SLC31A1: variants seen among roughly 807,000 people sequenced by gnomAD.
The protein encoded by SLC31A1 is solute carrier family 31 member 1, also known as high affinity copper uptake protein 1.
Under a neutral mutation model 17.2 loss-of-function variants are expected in SLC31A1, and 5 were observed. That is an observed-to-expected ratio of 0.29 (90% CI 0.15 to 0.61). SLC31A1 has a LOEUF of 0.61. Among genes scored for constraint, SLC31A1 ranks in the 20% least tolerant of loss-of-function variants. The pLI is 0.86. For missense variants in SLC31A1, 161 were observed against 241.4 expected, an observed-to-expected ratio of 0.67 and a Z score of 2.21; for synonymous variants, 76 against 78.8, an observed-to-expected ratio of 0.96 and a Z score of 0.19.
Position 113,258,825 on chromosome 9 carries a change from A to G in SLC31A1, c.334A>G (p.Asn112Asp), listed in dbSNP as rs1251365961. 2 of 1,614,238 alleles carry G rather than the reference A, an allele frequency of 1.2e-6. No homozygotes were observed. Among genetic ancestry groups the G allele is most frequent in the Non-Finnish European group, 1.7e-6 (2 of 1,180,030 alleles). Residue 112 changes from asparagine to aspartate, a missense_variant, in exon 4 of 5, where the codon AAT becomes GAT. By Grantham distance (23) the Asn-to-Asp change is conservative. Coordinates refer to ENST00000374212, the MANE Select transcript of SLC31A1 (RefSeq NM_001859.4). The surrounding 1 kb of genome is among the most constrained non-coding windows in gnomAD (Gnocchi z 4.8). ...CAATTCCATGCCTGTCCCAGGACCA[A>G]ATGGAACCATCCTTATGGAGACACA... ...RYNSMPVPGP[N>D]GTILMETHKT...
chr9:113,230,491 T>G (rs1339454352), intron 1 of SLC31A1, among the ~76,000 whole-genome samples: 1 of 152,180 alleles, frequency 6.6e-6, no homozygotes, highest in Non-Finnish European at 1.5e-5. Context: ...ACTCCTGGAC[T>G]CAAGAGATCC....
chr9:113,243,583 G>A (rs1831544755), intron 1 of SLC31A1, among the ~76,000 whole-genome samples: 1 of 151,178 alleles, frequency 6.6e-6, no homozygotes, highest in Non-Finnish European at 1.5e-5. Context: ...TTTAAGAGAT[G>A]TGGGGCGGGG....
chr9:113,257,998 C>T (rs1204456844), intron 3 of SLC31A1, among the ~76,000 whole-genome samples: 2 of 152,142 alleles, frequency 1.3e-5, no homozygotes, highest in Non-Finnish European at 2.9e-5. Context: ...CTACCTAGAC[C>T]AGTGTTCTTT....
At position 113,256,493 on chromosome 9, in the gene SLC31A1, T is replaced by C. The variant is rs1302038535; in HGVS notation, c.129+216T>C. On this transcript the variant is annotated intron_variant, in intron 2 of 4. Transcript: ENST00000374212. ...AACCAAGATTTTAGGCTTCTTTCTTTGGTGGTCCCTTCTGAAATCGACTCT... is the reference window on the plus strand; with the variant it reads ...AACCAAGATTTTAGGCTTCTTTCTTCGGTGGTCCCTTCTGAAATCGACTCT... 2.7e-5 allele frequency: 13 copies of C among 482,026 alleles called. No homozygotes were observed. The Admixed American group carries it at 3.4e-4, about 13-fold the overall frequency. 29.9% of individuals were successfully genotyped at this position (482,026 alleles called of 1,614,324 possible).
In SLC31A1 at chr9:113,221,680, T is replaced by C. The variant is rs1168199587; in HGVS notation, c.-36+2T>C. 3.3e-6 allele frequency: 1 copy of C among 298,824 alleles called. No homozygotes were observed. Among genetic ancestry groups the C allele is most frequent in the Non-Finnish European group, 6.6e-6 (1 of 151,490 alleles). The allele number at this position is 298,824 out of a possible 1,614,324, so 18.5% of individuals were successfully genotyped here. On this transcript the variant is annotated splice_donor_variant, in intron 1 of 4. Transcript: ENST00000374212. LOFTEE classifies it low-confidence loss of function (5UTR_SPLICE). ...AGTGGCTGGACTTGACCTGGAAAGGTAAGGCTTCTCTCGGCCCCTCTTTCG... is the reference window on the plus strand; with the variant it reads ...AGTGGCTGGACTTGACCTGGAAAGGCAAGGCTTCTCTCGGCCCCTCTTTCG...
At chr9:113,242,465 A>G (rs934769288) in intron 1 of SLC31A1, among the ~76,000 whole-genome samples, 18 of 152,114 alleles carry the variant, frequency 1.2e-4, no homozygotes, top group Non-Finnish European at 2.4e-4. Context: ...CAGTGGTATG[A>G]TCATGGCACA....
At chr9:113,244,366 A>T (rs959351561) in intron 1 of SLC31A1, among the ~76,000 whole-genome samples, 1 of 152,120 alleles carries the variant, frequency 6.6e-6, no homozygotes, top group African/African-American at 2.4e-5. Context: ...TATGCAGCTT[A>T]TTAGTCTGAT....
At chr9:113,236,080 C>T (rs1054290126) in intron 1 of SLC31A1, among the ~76,000 whole-genome samples, 2 of 152,168 alleles carry the variant, frequency 1.3e-5, no homozygotes, top group African/African-American at 4.8e-5. Context: ...CTCTGCCTCC[C>T]AAGTTCAAGC....
intron 1 of SLC31A1, 40 bp from the exon 2 acceptor site, chr9:113,256,074 A>G: frequency 2.1e-6 from 3 of 1,398,148 alleles, no homozygotes; most frequent in South Asian, 2.7e-5. Flanking sequence ...TAAGATTTTT[A>G]TATCCTTAAA....
chr9:113,245,496 GGGAATGAGTA>G (rs1438974734), intron 1 of SLC31A1, among the ~76,000 whole-genome samples: 1 of 152,110 alleles, frequency 6.6e-6, no homozygotes, highest in Non-Finnish European at 1.5e-5. Flanking sequence ...CCAGCACCCG[GGGAATGAGTA>G]GGAAACATTA....
At position 113,263,037 on chromosome 9, in the gene SLC31A1, T is replaced by C. The variant is rs1831812058; in HGVS notation, c.*2564T>C. 2 of 152,280 alleles carry C rather than the reference T, an allele frequency of 1.3e-5. No individual in the cohort carries two copies. The highest frequency in any genetic ancestry group is 4.1e-4 in the South Asian group (2 of 4,834). 9.4% of individuals were successfully genotyped at this position (152,280 alleles called of 1,614,324 possible). The stretch of plus-strand genomic sequence containing the variant: ...AGCCAGGCATGGTGGTGCATACCTA[T>C]AGTCCTGGCTATTTGGGAGGCTGAG... On this transcript the variant is annotated 3_prime_UTR_variant, in exon 5 of 5. Coordinates refer to ENST00000374212, the MANE Select transcript of SLC31A1 (RefSeq NM_001859.4).
intron 1 of SLC31A1, among the ~76,000 whole-genome samples, chr9:113,238,848 A>G (rs1831491576): frequency 6.6e-6 from 1 of 152,198 alleles, no homozygotes; most frequent in African/African-American, 2.4e-5. Flanking sequence ...ATGAGTGACA[A>G]GTCGAGTTTG....
rs1417375445 is a variant in SLC31A1 at position 113,262,042 on chromosome 9, G to A, written c.*1569G>A. 1 of 152,574 alleles carries A rather than the reference G, an allele frequency of 6.6e-6. No individual in the cohort carries two copies. Among genetic ancestry groups the A allele is most frequent in the Non-Finnish European group, 1.5e-5 (1 of 68,032 alleles). The allele number at this position is 152,574 out of a possible 1,614,324, so 9.5% of individuals were successfully genotyped here. ...AAATCACTAGTCCTTATTTTTAAAG[G>A]TCTATGGTTTCTTGGAAGTAGTTTG... On this transcript the variant is annotated 3_prime_UTR_variant, in exon 5 of 5. Transcript: ENST00000374212.
At position 113,261,784 on chromosome 9, in the gene SLC31A1, G is replaced by A. The variant is rs1831796077; in HGVS notation, c.*1311G>A. 6.6e-6 allele frequency: 1 copy of A among 152,622 alleles called. No homozygotes were observed. The highest frequency in any genetic ancestry group is 1.5e-5 in the Non-Finnish European group (1 of 68,050). 9.5% of individuals were successfully genotyped at this position (152,622 alleles called of 1,614,324 possible). On this transcript the variant is annotated 3_prime_UTR_variant, in exon 5 of 5. Coordinates refer to ENST00000374212, the MANE Select transcript of SLC31A1 (RefSeq NM_001859.4). ...ATGTTACAAGGGACCACACTTTTGA[G>A]AATCTGTGCTTTAAGCTAAGGAAAT...
In SLC31A1 at chr9:113,231,769, A is replaced by G. The variant is rs919488482; in HGVS notation, c.-36+10091A>G. ...GAATATGAACTCTAGCTTATTGGACATTTAGAAGATAGAGTTTGATTAGTG... is the reference window on the plus strand; with the variant it reads ...GAATATGAACTCTAGCTTATTGGACGTTTAGAAGATAGAGTTTGATTAGTG... On this transcript the variant is annotated intron_variant, in intron 1 of 4. Transcript: ENST00000374212. Among the ~76,000 whole-genome samples, 7 of 152,194 alleles carry G rather than the reference A, an allele frequency of 4.6e-5. No homozygotes were observed. In the South Asian group the frequency reaches 1.0e-3, roughly 22 times the overall value.
intron 1 of SLC31A1, among the ~76,000 whole-genome samples, chr9:113,252,351 A>G (rs1831664079): frequency 6.6e-6 from 1 of 152,206 alleles, no homozygotes; most frequent in Admixed American, 6.5e-5. Flanking sequence ...GCTGGAGTGC[A>G]ATGGCACAAT....
chr9:113,233,379 C>A (rs189441702), intron 1 of SLC31A1, among the ~76,000 whole-genome samples: 59 of 152,220 alleles, frequency 3.9e-4, no homozygotes, highest in African/African-American at 1.3e-3. Context: ...GATCTCAGAT[C>A]GAATCCCAAT....
intron 1 of SLC31A1, among the ~76,000 whole-genome samples, chr9:113,245,436 G>T (rs1313818811): frequency 2.6e-5 from 4 of 152,096 alleles, no homozygotes; most frequent in Non-Finnish European, 5.9e-5. Flanking sequence ...CTCACTTTGT[G>T]AGCCATCGCA....
chr9:113,248,795 C>T (rs904976272), intron 1 of SLC31A1, among the ~76,000 whole-genome samples: 5 of 152,104 alleles, frequency 3.3e-5, no homozygotes, highest in South Asian at 2.1e-4. Context: ...GTAGTCTTGA[C>T]GCAAATACTT....
Sources: gnomAD v4.1 joint callset for allele counts (sites outside exome capture counted in the v4.1 genomes callset) on GRCh38, gnomAD v4.1.1 for gene constraint, Gnocchi (gnomAD v3.1) non-coding constraint, MANE v1.5 for transcripts, NCBI Gene and HGNC (gene_info 2026-07-23, HGNC 2026-07-21) for gene names.